Variants in SLC8A3 observed in about 807,000 individuals in gnomAD.
SLC8A3 encodes sodium/calcium exchanger 3.
Under a neutral mutation model 65.4 loss-of-function variants are expected in SLC8A3, and 37 were observed. The ratio of observed to expected loss-of-function variants is 0.57; its 90% CI spans 0.44 to 0.74. The LOEUF is 0.74. Ranked by LOEUF, SLC8A3 falls within the 30% of genes least tolerant of loss-of-function variation. SLC8A3 has a pLI of 0.00. For missense variants in SLC8A3, 1,112 were observed against 1,172.1 expected, an observed-to-expected ratio of 0.95 and a Z score of 0.75; for synonymous variants, 461 against 444.5, an observed-to-expected ratio of 1.04 and a Z score of -0.47.
Position 70,166,705 on chromosome 14 carries a change from G to A in SLC8A3, c.1718C>T (p.Ala573Val). 1.2e-6 allele frequency: 2 copies of A among 1,613,830 alleles called. No homozygotes were observed. Among genetic ancestry groups the A allele is most frequent in the Non-Finnish European group, 1.7e-6 (2 of 1,179,862 alleles). The part of the protein sequence containing the change: ...IVPFRTVEGT[A>V]KGGGEDFEDT... ...TTCAAAGTCCTCACCGCCACCCTTGGCTGTCCCTTCTACTGTCCTAAAGGG... is the reference window on the plus strand; with the variant it reads ...TTCAAAGTCCTCACCGCCACCCTTGACTGTCCCTTCTACTGTCCTAAAGGG... The change falls in exon 2 of 7, where the codon GCC (alanine) becomes GTC (valine). Residue 573 changes from alanine to valine, a missense_variant. Transcript: ENST00000356921.
intron 2 of SLC8A3, among the ~76,000 whole-genome samples, chr14:70,086,071 T>TCTCATCAC (rs1381495331): frequency 6.6e-6 from 1 of 152,238 alleles, no homozygotes; most frequent in Non-Finnish European, 1.5e-5. Flanking sequence ...TTGTGGCCTC[T>TCTCATCAC]CTCATCACCT....
intron 1 of SLC8A3, among the ~76,000 whole-genome samples, chr14:70,178,278 T>C: frequency 6.6e-6 from 1 of 152,222 alleles, no homozygotes; most frequent in East Asian, 1.9e-4. Flanking sequence ...TTCCTCAGTC[T>C]AGTCAAGGGA....
intron 1 of SLC8A3, among the ~76,000 whole-genome samples, chr14:70,170,598 G>A (rs760329634): frequency 1.3e-5 from 2 of 152,118 alleles, no homozygotes; most frequent in Non-Finnish European, 2.9e-5. Flanking sequence ...CTGAATTGTA[G>A]CCATTTGCTT....
intron 2 of SLC8A3, among the ~76,000 whole-genome samples, chr14:70,095,717 C>A (rs1892130346): frequency 1.3e-5 from 2 of 152,118 alleles, no homozygotes; most frequent in Non-Finnish European, 2.9e-5. Context: ...GAAAAATCAT[C>A]TGAAGAGAGA....
At chr14:70,071,967 C>A (rs1466843317) in intron 2 of SLC8A3, among the ~76,000 whole-genome samples, 2 of 152,104 alleles carry the variant, frequency 1.3e-5, no homozygotes, top group Non-Finnish European at 2.9e-5. Flanking sequence ...TCCTTTGAGC[C>A]CTCTGCTGCA....
chr14:70,162,506 A>C (rs1170672044), intron 2 of SLC8A3, among the ~76,000 whole-genome samples: 1 of 152,184 alleles, frequency 6.6e-6, no homozygotes, highest in Non-Finnish European at 1.5e-5. Flanking sequence ...GCACTATTTA[A>C]TTATAATAGA....
At chr14:70,098,526 G>A (rs1446567156) in intron 2 of SLC8A3, among the ~76,000 whole-genome samples, 1 of 152,216 alleles carries the variant, frequency 6.6e-6, no homozygotes, top group Non-Finnish European at 1.5e-5. Flanking sequence ...AGGTGGAGAA[G>A]AGACTGAGGT....
At chr14:70,112,003 C>T (rs1019267931) in intron 2 of SLC8A3, among the ~76,000 whole-genome samples, 2 of 152,192 alleles carry the variant, frequency 1.3e-5, no homozygotes, top group Non-Finnish European at 1.5e-5. Flanking sequence ...ATTTGTCAGT[C>T]AGCTTGGGTC....
chr14:70,124,811 AG>A (rs1006547829), intron 2 of SLC8A3, among the ~76,000 whole-genome samples: 12 of 152,256 alleles, frequency 7.9e-5, no homozygotes, highest in Non-Finnish European at 2.9e-5. Context: ...ACTTGCCTAG[AG>A]CCGTGGGTTG....
At chr14:70,060,351 T>A in intron 3 of SLC8A3, 1 of 262,168 alleles carries the variant, frequency 3.8e-6, no homozygotes, top group Non-Finnish European at 7.4e-6. Context: ...GGCTAAAGAG[T>A]GAGGGGTGGC....
intron 2 of SLC8A3, among the ~76,000 whole-genome samples, chr14:70,102,989 T>C (rs1892637297): frequency 6.6e-6 from 1 of 151,706 alleles, no homozygotes; most frequent in Non-Finnish European, 1.5e-5. Flanking sequence ...CAAACAACAA[T>C]AATACCACTT....
chr14:70,119,939 C>T (rs1034570099), intron 2 of SLC8A3, among the ~76,000 whole-genome samples: 1 of 152,212 alleles, frequency 6.6e-6, no homozygotes, highest in Non-Finnish European at 1.5e-5. Context: ...TTCCCAGATG[C>T]CTTTGCATCT....
In SLC8A3 at chr14:70,062,443, T is replaced by C. The variant is rs1888912768; in HGVS notation, c.1785-1504A>G. On this transcript the variant is annotated intron_variant, in intron 2 of 6. Coordinates refer to ENST00000356921, the MANE Select transcript of SLC8A3 (RefSeq NM_182932.3). Reference sequence around the variant, plus strand: ...TGTGCCTTTTCTATGTCTAGATGTGTTTAGATACACAAATACCATTGTGCT... The same window carrying C: ...TGTGCCTTTTCTATGTCTAGATGTGCTTAGATACACAAATACCATTGTGCT... 2.0e-5 allele frequency among the ~76,000 whole-genome samples: 3 copies of C among 152,198 alleles called. No homozygotes were observed. The South Asian group carries it at 6.2e-4, about 32-fold the overall frequency.
intron 2 of SLC8A3, among the ~76,000 whole-genome samples, chr14:70,092,922 T>C (rs1566774602): frequency 1.3e-5 from 2 of 152,216 alleles, no homozygotes; most frequent in Admixed American, 6.5e-5. Context: ...TAAAATAATA[T>C]GGACCATCTT....
At chr14:70,065,948 C>G (rs1401919982) in intron 2 of SLC8A3, among the ~76,000 whole-genome samples, 1 of 152,238 alleles carries the variant, frequency 6.6e-6, no homozygotes, top group African/African-American at 2.4e-5. Context: ...AGAGATTTCT[C>G]TCAAAATCTA....
At chr14:70,142,579 G>A (rs745633278) in intron 2 of SLC8A3, among the ~76,000 whole-genome samples, 14 of 152,128 alleles carry the variant, frequency 9.2e-5, no homozygotes, top group Non-Finnish European at 1.9e-4. Flanking sequence ...TTTCTCAAAG[G>A]CAAACACAGA....
At chr14:70,065,345 C>CAAGGG (rs1427430539) in intron 2 of SLC8A3, among the ~76,000 whole-genome samples, 1 of 152,114 alleles carries the variant, frequency 6.6e-6, no homozygotes, top group Non-Finnish European at 1.5e-5. Flanking sequence ...ACCAAGACAC[C>CAAGGG]TGGTCCCTGC....
chr14:70,134,577 C>G (rs915681902), intron 2 of SLC8A3, among the ~76,000 whole-genome samples: 1 of 152,194 alleles, frequency 6.6e-6, no homozygotes, highest in African/African-American at 2.4e-5. Flanking sequence ...ATTCGTTCTG[C>G]AAAAGATGTC....
chr14:70,163,110 T>G (rs944246508), intron 2 of SLC8A3, among the ~76,000 whole-genome samples: 1 of 152,260 alleles, frequency 6.6e-6, no homozygotes, highest in Admixed American at 6.5e-5. Context: ...ATGTAGCTAG[T>G]ACATAGCAAA....
Sources: allele counts gnomAD v4.1 joint callset (sites outside exome capture counted in the v4.1 genomes callset), GRCh38; gene constraint gnomAD v4.1.1; transcripts MANE v1.5; gene names NCBI Gene and HGNC (gene_info 2026-07-23, HGNC 2026-07-21).